WDR48: variants seen among roughly 807,000 people sequenced by gnomAD.
The protein encoded by WDR48 is WD repeat-containing protein 48.
Under a neutral mutation model 94.0 loss-of-function variants are expected in WDR48, and 22 were observed. The ratio of observed to expected loss-of-function variants is 0.23; its 90% CI spans 0.17 to 0.33. The LOEUF (loss-of-function observed/expected upper bound fraction) is 0.33, where lower values mean the gene tolerates loss of function less well. WDR48 is among the 10% of genes least tolerant of loss of function. WDR48 has a pLI of 1.00. For synonymous variants in WDR48, 278 were observed against 280.5 expected, an observed-to-expected ratio of 0.99 and a Z score of 0.09; for missense variants, 541 against 813.8, an observed-to-expected ratio of 0.66 and a Z score of 4.08.
At chr3:39,056,856 C>T (rs981214968) in intron 1 of WDR48, among the ~76,000 whole-genome samples, 3 of 152,156 alleles carry the variant, frequency 2.0e-5, no homozygotes, top group Non-Finnish European at 2.9e-5. Flanking sequence ...GAAACAATGG[C>T]TGTAACCCAG....
intron 1 of WDR48, among the ~76,000 whole-genome samples, chr3:39,054,816 CAA>C (rs774737162): frequency 4.6e-5 from 7 of 151,218 alleles, no homozygotes; most frequent in Admixed American, 2.6e-4. Context: ...AGGGAGGCCT[CAA>C]AGAGAGAGAG....
chr3:39,092,876 T>TACAC (rs3033301), intron 17 of WDR48, among the ~76,000 whole-genome samples: 6,132 of 146,024 alleles, frequency 0.042, 283 homozygotes, highest in African/African-American at 0.12. Context: ...CATCTCTGTC[T>TACAC]ACACACACAC....
At chr3:39,076,327 A>G (rs2034222521) in intron 8 of WDR48, among the ~76,000 whole-genome samples, 1 of 152,218 alleles carries the variant, frequency 6.6e-6, no homozygotes, top group Non-Finnish European at 1.5e-5. Context: ...TCATACATAT[A>G]CAACATGTGT....
At chr3:39,071,910 A>G (rs2033956238) in intron 7 of WDR48, among the ~76,000 whole-genome samples, 1 of 152,236 alleles carries the variant, frequency 6.6e-6, no homozygotes, top group Non-Finnish European at 1.5e-5. Flanking sequence ...ATAATTACTT[A>G]TTTGGAAAAA....
chr3:39,055,525 G>A (rs1047639275), intron 1 of WDR48, among the ~76,000 whole-genome samples: 3 of 152,194 alleles, frequency 2.0e-5, no homozygotes, highest in African/African-American at 7.2e-5. Flanking sequence ...GTGGAGAGGG[G>A]TCCAAACATA....
chr3:39,083,768 T>C (rs1173458374), intron 11 of WDR48, among the ~76,000 whole-genome samples: 6 of 152,134 alleles, frequency 3.9e-5, no homozygotes, highest in Non-Finnish European at 7.3e-5. Context: ...AAATAAGTTT[T>C]TACATGGGAG....
intron 2 of WDR48, among the ~76,000 whole-genome samples, 185 bp downstream of exon 2, chr3:39,063,375 C>G (rs2033395918): frequency 6.6e-6 from 1 of 152,132 alleles, no homozygotes; most frequent in African/African-American, 2.4e-5. Context: ...AGGAAAGTTT[C>G]AGAAGTGTTT....
At chr3:39,057,451 T>A in intron 1 of WDR48, among the ~76,000 whole-genome samples, 1 of 152,192 alleles carries the variant, frequency 6.6e-6, no homozygotes, top group East Asian at 1.9e-4. Flanking sequence ...GTCATTACTA[T>A]TTGATTTTCT....
rs1460366910 is a variant in WDR48, at chr3:39,084,690, G to A, written c.1327G>A (p.Val443Ile). ...LDESDCFAAWVSAKDAGFSSP... is the reference protein window; with the variant it reads ...LDESDCFAAWISAKDAGFSSP... ...TGAAAGTGATTGTTTTGCTGCCTGG[G>A]TTTCTGCAAAAGATGCTGGTTTCAG... The change falls in exon 13 of 19, where the codon GTT becomes ATT. Residue 443 changes from valine (V) to isoleucine (I), a missense_variant. Around this residue, in one of 5 missense-constraint regions of WDR48, gnomAD observed 238 missense variants for 285.3 expected, o/e 0.83. Transcript: ENST00000302313. 6.2e-7 allele frequency: 1 copy of A among 1,613,876 alleles called. No individual in the cohort carries two copies. Among genetic ancestry groups the A allele is most frequent in the Non-Finnish European group, 8.5e-7 (1 of 1,179,906 alleles).
intron 18 of WDR48, 183 bp downstream of exon 18, chr3:39,094,249 A>G (rs550584173): frequency 1.4e-6 from 2 of 1,443,000 alleles, no homozygotes; most frequent in African/African-American, 2.9e-5. Flanking sequence ...GAAGGGATAC[A>G]TAGACAAATG....
At chr3:39,076,059 C>T (rs767031509) in intron 8 of WDR48, among the ~76,000 whole-genome samples, 13 of 152,044 alleles carry the variant, frequency 8.6e-5, no homozygotes, top group Non-Finnish European at 1.6e-4. Flanking sequence ...TCAGAAATCA[C>T]CTAAAAGGAA....
At chr3:39,075,846 A>G (rs371605042) in intron 8 of WDR48, among the ~76,000 whole-genome samples, 2 of 151,698 alleles carry the variant, frequency 1.3e-5, no homozygotes. Context: ...GGCACCCACC[A>G]CCATGCCCAG....
Position 39,052,283 on chromosome 3 carries a change from G to C in WDR48, c.48+210G>C, listed in dbSNP as rs2032464987. ...TGCTTGGCCCTTGGGGCCCAGGCCCGGGACCCTCGTGGGCGGCATTCTGAG... is the reference window on the plus strand; with the variant it reads ...TGCTTGGCCCTTGGGGCCCAGGCCCCGGACCCTCGTGGGCGGCATTCTGAG... On this transcript the variant is annotated intron_variant, in intron 1 of 18. Coordinates refer to ENST00000302313, the MANE Select transcript of WDR48 (RefSeq NM_020839.4). The C allele has an allele frequency of 1.1e-5, 5 of 464,270 alleles. No individual in the cohort carries two copies. The South Asian group carries it at 1.3e-4, about 12-fold the overall frequency. 28.8% of individuals were successfully genotyped at this position (464,270 alleles called of 1,614,324 possible).
At chr3:39,056,795 T>G (rs2125632698) in intron 1 of WDR48, among the ~76,000 whole-genome samples, 1 of 152,314 alleles carries the variant, frequency 6.6e-6, no homozygotes, top group African/African-American at 2.4e-5. Context: ...GGGGATGTAT[T>G]TCAGCAAAAC....
At chr3:39,089,534 C>G (rs2034977822) in intron 16 of WDR48, 1 of 324,002 alleles carries the variant, frequency 3.1e-6, no homozygotes, top group East Asian at 5.0e-5. Flanking sequence ...ATAATATATG[C>G]TTATTCAACA....
chr3:39,094,486 A>G lies in WDR48; in HGVS notation c.1939-162A>G, dbSNP rs1575442343. 8 of 1,535,354 alleles carry G rather than the reference A, an allele frequency of 5.2e-6. No homozygotes were observed. The East Asian group carries it at 7.3e-5, about 14-fold the overall frequency. ...AAAGATGTACATCTCACTAAGCTCA[A>G]TTTCATTCCCGCATGCATGGAAGCC... On this transcript the variant is annotated intron_variant, in intron 18 of 18. Transcript: ENST00000302313.
chr3:39,064,989 T>C (rs2033516733), intron 2 of WDR48, among the ~76,000 whole-genome samples: 1 of 152,230 alleles, frequency 6.6e-6, no homozygotes, highest in African/African-American at 2.4e-5. Context: ...TCTGGAAATC[T>C]GCCTGTCTTG....
chr3:39,074,760 T>G lies in WDR48; in HGVS notation c.707T>G (p.Leu236Arg). The change falls in exon 8 of 19, where the codon CTT becomes CGT. Residue 236 changes from leucine (L) to arginine (R), a missense_variant. By Grantham distance (102) the Leu-to-Arg change is moderately radical (BLOSUM62 -2). Coordinates refer to ENST00000302313, the MANE Select transcript of WDR48 (RefSeq NM_020839.4). ...GGCAGTTCTGATGGGACAATTCGCC[T>G]TTGGTCCCTTGGCCAGCAGAGATGT... ...LSGSSDGTIR[L>R]WSLGQQRCIA... The G allele has an allele frequency of 6.2e-7, 1 of 1,614,204 alleles. No homozygotes were observed. Among genetic ancestry groups the G allele is most frequent in the Non-Finnish European group, 8.5e-7 (1 of 1,180,026 alleles).
At chr3:39,061,849 A>G in intron 1 of WDR48, among the ~76,000 whole-genome samples, 1 of 144,680 alleles carries the variant, frequency 6.9e-6, no homozygotes, top group Non-Finnish European at 1.5e-5. Context: ...TCTGATGGCC[A>G]GTGATGATGA....
Sources: gnomAD v4.1 joint callset for allele counts (sites outside exome capture counted in the v4.1 genomes callset) on GRCh38, gnomAD v4.1.1 for gene constraint, gnomAD v4.1.1 regional missense constraint, MANE v1.5 for transcripts, NCBI Gene and HGNC (gene_info 2026-07-23, HGNC 2026-07-21) for gene names.